The following OSBP2 variants were observed in gnomAD, a reference collection of about 807,000 sequenced individuals.
The protein encoded by OSBP2 is oxysterol binding protein 2.
In OSBP2, 66 loss-of-function variants were observed where a neutral mutation model predicts 96.0. That is an observed-to-expected ratio of 0.69 (90% CI 0.56 to 0.84). The LOEUF (loss-of-function observed/expected upper bound fraction) is 0.84. Among genes scored for constraint, OSBP2 ranks in the 40% least tolerant of loss-of-function variants. The pLI is 0.00. For synonymous variants in OSBP2, 525 were observed against 520.9 expected, an observed-to-expected ratio of 1.01 and a Z score of -0.11; for missense variants, 1,038 against 1,222.7, an observed-to-expected ratio of 0.85 and a Z score of 2.25.
chr22:30,878,995 G>A (rs763413855), intron 3 of OSBP2, among the ~76,000 whole-genome samples: 1 of 152,202 alleles, frequency 6.6e-6, no homozygotes, highest in Non-Finnish European at 1.5e-5. Context: ...GAGGGTCACA[G>A]GAACAGAGAC....
At chr22:30,779,858 G>A (rs993423486) in intron 2 of OSBP2, among the ~76,000 whole-genome samples, 2 of 152,104 alleles carry the variant, frequency 1.3e-5, no homozygotes, top group Admixed American at 6.6e-5. Context: ...TCTTTCTCCC[G>A]GTGAAGGCTG....
chr22:30,834,168 G>A (rs2038586223), intron 2 of OSBP2, among the ~76,000 whole-genome samples: 1 of 151,932 alleles, frequency 6.6e-6, no homozygotes, highest in South Asian at 2.1e-4. Context: ...TCCCACTTCA[G>A]CCTCCCAACT....
chr22:30,752,444 G>A (rs764076122), intron 2 of OSBP2, among the ~76,000 whole-genome samples: 32 of 151,330 alleles, frequency 2.1e-4, no homozygotes, highest in Non-Finnish European at 4.1e-4. Flanking sequence ...GACTACAGGC[G>A]CCCACCACCA....
rs139200487 is a variant in OSBP2, at chr22:30,837,736, C to T, written c.854-32693C>T. 1.1e-4 allele frequency among the ~76,000 whole-genome samples: 16 copies of T among 152,194 alleles called. No homozygotes were observed. The East Asian group carries it at 2.5e-3, about 24-fold the overall frequency. On this transcript the variant is annotated intron_variant, in intron 2 of 13. Transcript: ENST00000332585. ...TTCGGGGTGAGCAAAGCCCAGGGTG[C>T]GACAGGGTGATGCAAGCCACAGGAG...
rs1015184450 is a variant in OSBP2, at chr22:30,871,366, G to C, written c.1107+684G>C. On this transcript the variant is annotated intron_variant, in intron 3 of 13. Transcript: ENST00000332585. The surrounding 1 kb of genome is among the most constrained non-coding windows in gnomAD (Gnocchi z 4.7). The stretch of plus-strand genomic sequence containing the variant: ...TGCTTGGCCCTGCTTCCCTCTTTCT[G>C]TCTGGGGAGTGTTCCCCAGAAGTGT... Among the ~76,000 whole-genome samples, 2 of 152,260 alleles carry C rather than the reference G, an allele frequency of 1.3e-5. No individual in the cohort carries two copies. The highest frequency in any genetic ancestry group is 2.9e-5 in the Non-Finnish European group (2 of 68,002).
intron 2 of OSBP2, among the ~76,000 whole-genome samples, chr22:30,806,257 G>T (rs952525133): frequency 6.6e-6 from 1 of 152,232 alleles, no homozygotes; most frequent in Non-Finnish European, 1.5e-5. Context: ...AGGAGGGGCA[G>T]CAGAGCCGGA....
At chr22:30,794,491 C>T (rs1166239275) in intron 2 of OSBP2, among the ~76,000 whole-genome samples, 1 of 151,912 alleles carries the variant, frequency 6.6e-6, no homozygotes, top group Non-Finnish European at 1.5e-5. Flanking sequence ...TCTTGAACTC[C>T]TGACCTCGAG....
intron 2 of OSBP2, among the ~76,000 whole-genome samples, chr22:30,855,435 C>G (rs2039061110): frequency 6.6e-6 from 1 of 152,218 alleles, no homozygotes; most frequent in Non-Finnish European, 1.5e-5. Flanking sequence ...GCCCACAGCA[C>G]AGGCGTGTGG....
chr22:30,735,050 G>T (rs1343054501), intron 1 of OSBP2, among the ~76,000 whole-genome samples: 1 of 152,104 alleles, frequency 6.6e-6, no homozygotes, highest in Non-Finnish European at 1.5e-5. Flanking sequence ...AAAATTAGCT[G>T]GCATGGTGGC....
intron 2 of OSBP2, chr22:30,803,085 AGGCGGC>A (rs570066052): frequency 2.4e-5 from 5 of 208,904 alleles, no homozygotes; most frequent in Admixed American, 6.1e-5. Context: ...GGCGGCGGGA[AGGCGGC>A]GGCGGCGGCG....
chr22:30,709,413 T>C (rs1237996682), intron 1 of OSBP2, among the ~76,000 whole-genome samples: 1 of 152,178 alleles, frequency 6.6e-6, no homozygotes, highest in Non-Finnish European at 1.5e-5. Context: ...GTTGAATAGG[T>C]GGTGGTGTGT....
intron 2 of OSBP2, among the ~76,000 whole-genome samples, chr22:30,807,982 G>T (rs1244184410): frequency 2.0e-5 from 3 of 151,940 alleles, no homozygotes; most frequent in African/African-American, 7.3e-5. Context: ...TTGAGACAAG[G>T]TCTTGCTGTG....
At chr22:30,838,637 C>G (rs1399909817) in intron 2 of OSBP2, among the ~76,000 whole-genome samples, 1 of 151,962 alleles carries the variant, frequency 6.6e-6, no homozygotes, top group Admixed American at 6.6e-5. Context: ...AGCAAGTTCC[C>G]TTTTATTCCT....
intron 8 of OSBP2, 30 bp downstream of exon 8, chr22:30,891,003 GC>G (rs760760737): frequency 6.3e-5 from 100 of 1,589,994 alleles, no homozygotes; most frequent in Non-Finnish European, 8.1e-5. Flanking sequence ...ACTGGGTGGC[GC>G]CCACCCACAC....
intron 2 of OSBP2, among the ~76,000 whole-genome samples, chr22:30,765,087 C>T (rs1164997034): frequency 2.6e-5 from 4 of 152,084 alleles, no homozygotes. Context: ...AGAGACAGGG[C>T]CTCACCGTGT....
At chr22:30,706,382 G>GCTT (rs2089253512) in intron 1 of OSBP2, among the ~76,000 whole-genome samples, 1 of 151,790 alleles carries the variant, frequency 6.6e-6, no homozygotes, top group Admixed American at 6.6e-5. Context: ...GCTTAGTGAT[G>GCTT]CTTCATTCCA....
intron 2 of OSBP2, among the ~76,000 whole-genome samples, chr22:30,786,798 GTGTTT>G (rs955283803): frequency 8.0e-4 from 122 of 152,032 alleles, no homozygotes; most frequent in African/African-American, 2.5e-3. Flanking sequence ...ATCAGGAAAG[GTGTTT>G]TGTTTTGTTT....
At chr22:30,828,791 G>C (rs1037778551) in intron 2 of OSBP2, among the ~76,000 whole-genome samples, 1 of 152,160 alleles carries the variant, frequency 6.6e-6, no homozygotes, top group Non-Finnish European at 1.5e-5. Flanking sequence ...AGAGGAGACG[G>C]GGGAGAGGTG....
At chr22:30,696,313 G>A (rs1315248488) in intron 1 of OSBP2, among the ~76,000 whole-genome samples, 1 of 152,174 alleles carries the variant, frequency 6.6e-6, no homozygotes, top group Non-Finnish European at 1.5e-5. Context: ...TCCTGGGGAT[G>A]GTTGGTTTAA....
Sources: allele counts gnomAD v4.1 joint callset (sites outside exome capture counted in the v4.1 genomes callset), GRCh38; gene constraint gnomAD v4.1.1; non-coding constraint Gnocchi (gnomAD v3.1); transcripts MANE v1.5; gene names NCBI Gene and HGNC (gene_info 2026-07-23, HGNC 2026-07-21).